Variants in HCN1 observed in about 807,000 individuals in gnomAD.
The protein encoded by HCN1 is potassium/sodium hyperpolarization-activated cyclic nucleotide-gated channel 1.
Under a neutral mutation model 78.9 loss-of-function variants are expected in HCN1, and 13 were observed. The observed-to-expected ratio is 0.16, with a 90% CI of 0.11 to 0.26. HCN1 has a LOEUF of 0.26. HCN1 is among the 10% of genes least tolerant of loss of function. HCN1 has a pLI of 1.00. For missense variants in HCN1, 810 were observed against 1,154.3 expected (o/e 0.70, Z 4.32); for synonymous variants, 552 against 455.5 (o/e 1.21, Z -2.70).
chr5:45,262,022 G>C lies in HCN1; in HGVS notation c.2572C>G (p.Pro858Ala). Reference protein sequence around the residue: ...GAIPPNRGVPPAPPPPAAALP... With the variant: ...GAIPPNRGVPAAPPPPAAALP... ...GCAGCTGCTGGTGGAGGGGGTGCTG[G>C]AGGGACTCCTCGGTTCGGGGGGATG... The change falls in exon 8 of 8, where the codon CCA becomes GCA. Residue 858 changes from proline (P) to alanine (A), a missense_variant. Pro to Ala is a conservative substitution (Grantham distance 27). Around this residue, in one of 6 missense-constraint regions of HCN1, gnomAD observed 398 missense variants for 381.3 expected, o/e 1.04. Coordinates refer to ENST00000303230, the MANE Select transcript of HCN1 (RefSeq NM_021072.4). 6.2e-7 allele frequency: 1 copy of C among 1,614,098 alleles called. No homozygotes were observed. The highest frequency in any genetic ancestry group is 1.1e-5 in the South Asian group (1 of 91,084).
chr5:45,552,810 A>G (rs1743394846), intron 2 of HCN1, among the ~76,000 whole-genome samples: 1 of 151,968 alleles, frequency 6.6e-6, no homozygotes, highest in African/African-American at 2.4e-5. Context: ...GAAGACAAGC[A>G]AATTTTGGTT....
chr5:45,467,528 C>A (rs900627778), intron 2 of HCN1, among the ~76,000 whole-genome samples: 2 of 152,024 alleles, frequency 1.3e-5, no homozygotes, highest in African/African-American at 2.4e-5. Flanking sequence ...TTAATCAAAA[C>A]AGCCACCTTG....
chr5:45,315,110 C>A (rs556098337), intron 5 of HCN1, among the ~76,000 whole-genome samples: 1 of 152,318 alleles, frequency 6.6e-6, no homozygotes, highest in African/African-American at 2.4e-5. Context: ...ACAGAATATA[C>A]ATTCTTCTCA....
At chr5:45,568,116 C>G (rs1006415083) in intron 2 of HCN1, among the ~76,000 whole-genome samples, 3 of 151,978 alleles carry the variant, frequency 2.0e-5, no homozygotes, top group African/African-American at 7.3e-5. Context: ...GCTATTTTCA[C>G]TATTTTAGTC....
intron 1 of HCN1, among the ~76,000 whole-genome samples, chr5:45,665,906 G>C (rs1049363657): frequency 6.6e-6 from 1 of 151,946 alleles, no homozygotes; most frequent in Non-Finnish European, 1.5e-5. Context: ...TCCTCAACCT[G>C]ATCAAGGAGC....
At chr5:45,309,380 A>G (rs1745804038) in intron 5 of HCN1, among the ~76,000 whole-genome samples, 1 of 151,964 alleles carries the variant, frequency 6.6e-6, no homozygotes. Flanking sequence ...CCTAATTGCT[A>G]TGGCCAGAAC....
intron 5 of HCN1, among the ~76,000 whole-genome samples, chr5:45,314,434 C>T (rs1310845249): frequency 6.6e-6 from 1 of 152,132 alleles, no homozygotes; most frequent in Non-Finnish European, 1.5e-5. Flanking sequence ...ACCGTCAAGG[C>T]TAGGAAGAAA....
intron 6 of HCN1, among the ~76,000 whole-genome samples, chr5:45,301,313 T>C (rs1745614158): frequency 7.5e-6 from 1 of 134,058 alleles, no homozygotes; most frequent in Non-Finnish European, 1.6e-5. Context: ...TTGGTTGGGT[T>C]AATACTAAAA....
chr5:45,505,512 GTA>G (rs1286687920), intron 2 of HCN1, among the ~76,000 whole-genome samples: 11 of 152,250 alleles, frequency 7.2e-5, no homozygotes, highest in Non-Finnish European at 1.5e-4. Context: ...TAGCCTTGTA[GTA>G]TAGTTTGAAG....
At chr5:45,273,250 C>T (rs774857912) in intron 6 of HCN1, among the ~76,000 whole-genome samples, 15 of 152,038 alleles carry the variant, frequency 9.9e-5, no homozygotes, top group Non-Finnish European at 2.2e-4. Context: ...TGTATAGGAA[C>T]ATAGACAACT....
chr5:45,577,502 G>A (rs1743970625), intron 2 of HCN1, among the ~76,000 whole-genome samples: 1 of 151,928 alleles, frequency 6.6e-6, no homozygotes, highest in Non-Finnish European at 1.5e-5. Context: ...TATTTTCATA[G>A]GAATGTAAGA....
chr5:45,361,123 C>T (rs571139457), intron 4 of HCN1, among the ~76,000 whole-genome samples: 34 of 152,284 alleles, frequency 2.2e-4, no homozygotes, highest in Admixed American at 3.9e-4. Flanking sequence ...CAGCTCACTG[C>T]AACCTCTGCC....
At position 45,374,005 on chromosome 5, in the gene HCN1, A is replaced by G. The variant is rs1182219322; in HGVS notation, c.1231-20759T>C. Reference sequence around the variant, plus strand: ...ACATAATATATATAATATATATTATATACATAATATATATTATATATATTA... The same window carrying G: ...ACATAATATATATAATATATATTATGTACATAATATATATTATATATATTA... On this transcript the variant is annotated intron_variant, in intron 4 of 7. Transcript: ENST00000303230. Among the ~76,000 whole-genome samples, 52 of 92,108 alleles carry G rather than the reference A, an allele frequency of 5.6e-4. 2 individuals carry two copies. Among genetic ancestry groups the G allele is most frequent in the East Asian group, 2.9e-4 (1 of 3,490 alleles). 60.4% of individuals were successfully genotyped at this position (92,108 alleles called of 152,430 possible).
At chr5:45,285,909 A>G (rs980314333) in intron 6 of HCN1, among the ~76,000 whole-genome samples, 1 of 152,030 alleles carries the variant, frequency 6.6e-6, no homozygotes, top group African/African-American at 2.4e-5. Flanking sequence ...TAAACAAATC[A>G]TCAGATGTTT....
At chr5:45,553,542 C>A (rs773131354) in intron 2 of HCN1, among the ~76,000 whole-genome samples, 5 of 151,868 alleles carry the variant, frequency 3.3e-5, no homozygotes, top group Non-Finnish European at 4.4e-5. Context: ...GTATCCATCC[C>A]CCACCCATAG....
Position 45,605,008 on chromosome 5 carries a change from G to C in HCN1, c.849+40177C>G, listed in dbSNP as rs374864036. The stretch of plus-strand genomic sequence containing the variant: ...TTATTTTGCTTTGCTATATTTTCAG[G>C]TATATTACCTGCTATTAACATTGCA... On this transcript the variant is annotated intron_variant, in intron 2 of 7. Coordinates refer to ENST00000303230, the MANE Select transcript of HCN1 (RefSeq NM_021072.4). 7.2e-5 allele frequency among the ~76,000 whole-genome samples: 11 copies of C among 151,838 alleles called. No individual in the cohort carries two copies. In the East Asian group the frequency reaches 2.1e-3, roughly 29 times the overall value.
intron 2 of HCN1, among the ~76,000 whole-genome samples, chr5:45,568,265 T>C (rs1220706636): frequency 6.6e-6 from 1 of 152,146 alleles, no homozygotes; most frequent in Non-Finnish European, 1.5e-5. Flanking sequence ...AAATATTTAA[T>C]AATTTGTAGA....
chr5:45,617,871 A>C (rs1744984433), intron 2 of HCN1, among the ~76,000 whole-genome samples: 1 of 152,108 alleles, frequency 6.6e-6, no homozygotes, highest in African/African-American at 2.4e-5. Context: ...AGACATTCCA[A>C]TGAGACTATA....
chr5:45,313,698 G>C (rs977617565), intron 5 of HCN1, among the ~76,000 whole-genome samples: 1 of 152,188 alleles, frequency 6.6e-6, no homozygotes, highest in Non-Finnish European at 1.5e-5. Context: ...GAAAACCATG[G>C]CACGAGAACT....
Sources: gnomAD v4.1 joint callset for allele counts (sites outside exome capture counted in the v4.1 genomes callset) on GRCh38, gnomAD v4.1.1 for gene constraint, gnomAD v4.1.1 regional missense constraint, MANE v1.5 for transcripts, NCBI Gene and HGNC (gene_info 2026-07-23, HGNC 2026-07-21) for gene names.